DYNC2I1: variants seen among roughly 807,000 people sequenced by gnomAD.
DYNC2I1 encodes cytoplasmic dynein 2 intermediate chain 1.
DYNC2I1 carries 89 observed loss-of-function variants against 133.4 expected under a neutral mutation model. The observed-to-expected ratio is 0.67, with a 90% CI of 0.56 to 0.80. DYNC2I1 has a LOEUF of 0.80. Ranked by LOEUF, DYNC2I1 falls within the 30% of genes least tolerant of loss-of-function variation. The pLI, the probability that DYNC2I1 is intolerant of heterozygous loss-of-function variation, is 0.00. For synonymous variants in DYNC2I1, 504 were observed against 484.3 expected (o/e 1.04, Z -0.54); for missense variants, 1,291 against 1,314.5 (o/e 0.98, Z 0.28).
chr7:158,862,082 G>A (rs749530619), intron 1 of DYNC2I1, among the ~76,000 whole-genome samples: 3 of 152,158 alleles, frequency 2.0e-5, no homozygotes, highest in Non-Finnish European at 2.9e-5. Context: ...CCCTAGTTTG[G>A]TGTGTTGCCA....
chr7:158,864,480 A>G (rs752926025), intron 1 of DYNC2I1, among the ~76,000 whole-genome samples: 8 of 152,126 alleles, frequency 5.3e-5, no homozygotes, highest in Non-Finnish European at 1.0e-4. Context: ...TGTTATAAGC[A>G]GAAATAGTAG....
chr7:158,876,835 C>A, intron 4 of DYNC2I1, 144 bp downstream of exon 4: 3 of 1,051,444 alleles, frequency 2.9e-6, no homozygotes, highest in Non-Finnish European at 3.9e-6. Context: ...TGTGTATAGT[C>A]AGTTTCTTTC....
intron 10 of DYNC2I1, chr7:158,903,064 AGGAATCATCATG>A (rs923425434): frequency 6.3e-6 from 1 of 158,308 alleles, no homozygotes; most frequent in African/African-American, 2.4e-5. Flanking sequence ...GTTTCCACAG[AGGAATCATCATG>A]GTTTTCCCTG....
chr7:158,872,508 G>A (rs545925024), intron 3 of DYNC2I1, among the ~76,000 whole-genome samples: 4 of 151,974 alleles, frequency 2.6e-5, no homozygotes, highest in South Asian at 2.1e-4. Flanking sequence ...GGTGGCGTGT[G>A]CCTGTAATCC....
chr7:158,911,756 A>T, intron 12 of DYNC2I1, 77 bp downstream of exon 12: 2 of 1,469,462 alleles, frequency 1.4e-6, no homozygotes, highest in Non-Finnish European at 1.8e-6. Flanking sequence ...TTCCTGAATA[A>T]TGTTCTGCAA....
the DYNC2I1 span, among the ~76,000 whole-genome samples, chr7:158,843,328 T>C: frequency 6.6e-6 from 1 of 152,170 alleles, no homozygotes; most frequent in Admixed American, 6.5e-5. Context: ...TGGCATGATA[T>C]CAGCTCACTG....
intron 5 of DYNC2I1, among the ~76,000 whole-genome samples, chr7:158,883,881 G>T (rs1844322968): frequency 1.3e-5 from 2 of 149,596 alleles, no homozygotes; most frequent in Non-Finnish European, 1.5e-5. Context: ...AGCCAGGATG[G>T]TCTCGATCTC....
At chr7:158,931,988 C>T (rs760153340) in intron 21 of DYNC2I1, among the ~76,000 whole-genome samples, 7 of 152,096 alleles carry the variant, frequency 4.6e-5, no homozygotes, top group Non-Finnish European at 8.8e-5. Context: ...AGAATGGGGC[C>T]GAGAGGAGGA....
At chr7:158,930,316 T>C in intron 20 of DYNC2I1, 139 bp from the exon 21 acceptor site, 1 of 772,076 alleles carries the variant, frequency 1.3e-6, no homozygotes, top group Non-Finnish European at 2.3e-6. Flanking sequence ...AAGGGAGGGA[T>C]GCTGTGTATT....
chr7:158,951,470 G>A (rs1196697036), intron 4 of DYNC2I1, among the ~76,000 whole-genome samples: 1 of 152,250 alleles, frequency 6.6e-6, no homozygotes, highest in African/African-American at 2.4e-5. Flanking sequence ...GCCTGGAGGT[G>A]CAGGTGCTGG....
At chr7:158,900,404 G>T (rs559451101) in intron 8 of DYNC2I1, among the ~76,000 whole-genome samples, 147 of 152,278 alleles carry the variant, frequency 9.7e-4, no homozygotes, top group Middle Eastern at 3.4e-3. Context: ...TTATAGGTGT[G>T]AGCCACCGCG....
intron 4 of DYNC2I1, among the ~76,000 whole-genome samples, chr7:158,951,407 A>G (rs1852048297): frequency 6.6e-6 from 1 of 152,240 alleles, no homozygotes; most frequent in Non-Finnish European, 1.5e-5. Flanking sequence ...GGAGTGAAGC[A>G]AAGACGGGCA....
downstream of DYNC2I1, among the ~76,000 whole-genome samples, chr7:158,947,677 C>T (rs768648630): frequency 4.7e-4 from 71 of 152,322 alleles, no homozygotes; most frequent in Non-Finnish European, 7.3e-4. Context: ...AGCTCAGTTA[C>T]GTCCTCCTGA....
chr7:158,863,786 G>C (rs1310338832), intron 1 of DYNC2I1, among the ~76,000 whole-genome samples: 1 of 107,932 alleles, frequency 9.3e-6, no homozygotes, highest in Non-Finnish European at 1.9e-5. Flanking sequence ...GTGTGGGGGC[G>C]GGGGGGAGCG....
At chr7:158,895,801 T>C (rs1845708318) in intron 8 of DYNC2I1, among the ~76,000 whole-genome samples, 1 of 152,276 alleles carries the variant, frequency 6.6e-6, no homozygotes, top group Non-Finnish European at 1.5e-5. Flanking sequence ...TTGTTTTTGC[T>C]TAGCAGAGCT....
At position 158,880,515 on chromosome 7, in the gene DYNC2I1, G is replaced by A. The variant is rs1424532952; in HGVS notation, c.879+526G>A. Among the ~76,000 whole-genome samples the A allele has an allele frequency of 3.3e-5, 5 of 152,056 alleles. No homozygotes were observed. In the East Asian group the frequency reaches 9.6e-4, roughly 29 times the overall value. ...GCATAGGTTGCAGTGAGCTGAGATC[G>A]CACCACTGCACTCCAACCTGGGTGA... On this transcript the variant is annotated intron_variant, in intron 5 of 24. Coordinates refer to ENST00000407559, the MANE Select transcript of DYNC2I1 (RefSeq NM_018051.5).
intron 24 of DYNC2I1, among the ~76,000 whole-genome samples, chr7:158,942,653 G>A (rs1012805625): frequency 3.3e-5 from 5 of 152,234 alleles, no homozygotes; most frequent in African/African-American, 4.8e-5. Context: ...CCAATCTTAT[G>A]AGCTATAAGT....
intron 17 of DYNC2I1, 123 bp downstream of exon 17, chr7:158,923,856 A>G (rs1182840560): frequency 8.5e-6 from 11 of 1,287,432 alleles, no homozygotes; most frequent in Admixed American, 2.8e-5. Context: ...GGTCTGACCC[A>G]TGGGCAAAAG....
chr7:158,890,329 G>C (rs189832339), intron 7 of DYNC2I1, among the ~76,000 whole-genome samples: 181 of 151,960 alleles, frequency 1.2e-3, no homozygotes, highest in Non-Finnish European at 1.2e-4. Context: ...TTCTTTTCCA[G>C]AGGAGTAAAA....
Sources: gnomAD v4.1 joint callset for allele counts (sites outside exome capture counted in the v4.1 genomes callset) on GRCh38, gnomAD v4.1.1 for gene constraint, MANE v1.5 for transcripts, NCBI Gene and HGNC (gene_info 2026-07-23, HGNC 2026-07-21) for gene names.